Variants in CFAP47 observed in about 807,000 individuals in gnomAD.
CFAP47 encodes the protein cilia and flagella associated protein 47.
CFAP47 carries 29 observed loss-of-function variants against 148.1 expected under a neutral mutation model. The observed-to-expected ratio is 0.20, with a 90% CI of 0.15 to 0.27. The LOEUF is 0.27. Ranked by LOEUF, CFAP47 falls within the 10% of genes least tolerant of loss-of-function variation. The pLI is 1.00. For missense variants in CFAP47, 1,872 were observed against 1,697.5 expected (o/e 1.10, Z -1.81); for synonymous variants, 664 against 577.3 (o/e 1.15, Z -2.15).
intron 51 of CFAP47, among the ~76,000 whole-genome samples, chrX:36,295,558 T>C (rs782024800): frequency 3.6e-5 from 4 of 112,265 alleles, no homozygotes; most frequent in Non-Finnish European, 7.5e-5. Context: ...CTAAGAAAGT[T>C]GTTTCAAGAA....
intron 25 of CFAP47, among the ~76,000 whole-genome samples, chrX:36,045,305 G>A (rs1277540184): frequency 9.0e-6 from 1 of 111,680 alleles, no homozygotes; most frequent in Non-Finnish European, 1.9e-5. Context: ...TCAACTTGGT[G>A]TTCTACTCCG....
At chrX:36,050,732 A>G (rs1341295993) in intron 26 of CFAP47, among the ~76,000 whole-genome samples, 1 of 112,084 alleles carries the variant, frequency 8.9e-6, no homozygotes, top group African/African-American at 3.2e-5. Context: ...GTTGATCACC[A>G]AGACAATGGG....
At chrX:36,072,365 G>A (rs760415759) in intron 28 of CFAP47, among the ~76,000 whole-genome samples, 64 of 112,050 alleles carry the variant, frequency 5.7e-4, no homozygotes, top group Middle Eastern at 4.6e-3. Flanking sequence ...GACATCCCAA[G>A]CACTCTCTGT....
intron 7 of CFAP47, among the ~76,000 whole-genome samples, chrX:35,954,004 G>A (rs746816570): frequency 1.8e-5 from 2 of 110,625 alleles, no homozygotes; most frequent in East Asian, 2.9e-4. Context: ...AAAAAAACCC[G>A]GATTTGTTTT....
intron 30 of CFAP47, among the ~76,000 whole-genome samples, chrX:36,096,218 T>C (rs1255510200): frequency 1.8e-5 from 2 of 111,556 alleles, no homozygotes; most frequent in African/African-American, 6.5e-5. Context: ...CTTGATATAA[T>C]TGAATGTTTA....
chrX:36,086,401 A>G (rs1938088869), intron 30 of CFAP47, among the ~76,000 whole-genome samples: 1 of 111,468 alleles, frequency 9.0e-6, no homozygotes. Context: ...TTTATCACTT[A>G]TAATTGTTTA....
intron 33 of CFAP47, among the ~76,000 whole-genome samples, chrX:36,128,851 A>C (rs1476952005): frequency 9.0e-6 from 1 of 110,835 alleles, no homozygotes; most frequent in Non-Finnish European, 1.9e-5. Context: ...ATTTTTATTT[A>C]ACTTACCAGA....
rs202099932 is a variant in CFAP47 at position 36,365,069 on chromosome X, ATCT to A, written c.9024-1892_9024-1890del. 6.9e-3 allele frequency among the ~76,000 whole-genome samples: 741 copies of A among 107,729 alleles called. 3 individuals carry two copies. Among genetic ancestry groups the A allele is most frequent in the African/African-American group, 0.023 (701 of 30,113 alleles). 93.5% of individuals were successfully genotyped at this position (107,729 alleles called of 115,157 possible). On this transcript the variant is annotated intron_variant, in intron 61 of 63. Coordinates refer to ENST00000378653, the MANE Select transcript of CFAP47 (RefSeq NM_001304548.2). ...AAAACAGTGGCTCTAAATTGTGGAAATCTTCTTGTAAGATGGTAACAGCAGAAG... is the reference window on the plus strand; with the variant it reads ...AAAACAGTGGCTCTAAATTGTGGAAATCTTGTAAGATGGTAACAGCAGAAG...
chrX:35,973,607 C>T (rs1418205624), intron 13 of CFAP47, among the ~76,000 whole-genome samples: 1 of 111,719 alleles, frequency 9.0e-6, no homozygotes, highest in Non-Finnish European at 1.9e-5. Context: ...GCTTAGTTCT[C>T]TCTGGAATTG....
At chrX:36,284,179 G>A (rs782746240) in intron 50 of CFAP47, among the ~76,000 whole-genome samples, 20 of 111,461 alleles carry the variant, frequency 1.8e-4, no homozygotes, top group African/African-American at 4.9e-4. Flanking sequence ...TCTCTCATCA[G>A]TATAAATTTG....
chrX:36,104,225 T>C (rs968723988), intron 32 of CFAP47, among the ~76,000 whole-genome samples: 2 of 112,270 alleles, frequency 1.8e-5, no homozygotes, highest in Admixed American at 9.4e-5. Flanking sequence ...TGTTCTTAAA[T>C]GCAGTTATGT....
chrX:36,147,302 A>G, intron 36 of CFAP47, among the ~76,000 whole-genome samples: 1 of 109,803 alleles, frequency 9.1e-6, no homozygotes, highest in Non-Finnish European at 1.9e-5. Flanking sequence ...CTTCCTATCT[A>G]CTCCTCATCA....
At chrX:36,024,140 G>A (rs976991284) in intron 22 of CFAP47, among the ~76,000 whole-genome samples, 5 of 111,575 alleles carry the variant, frequency 4.5e-5, no homozygotes, top group African/African-American at 1.6e-4. Context: ...AGGACCCATA[G>A]GCTCTTAACA....
intron 56 of CFAP47, among the ~76,000 whole-genome samples, chrX:36,312,132 A>T (rs1556010130): frequency 1.8e-5 from 2 of 110,788 alleles, no homozygotes; most frequent in African/African-American, 3.3e-5. Context: ...TAAACGAGGT[A>T]AGGTTTAACT....
chrX:35,934,519 C>G (rs946623126), intron 2 of CFAP47, among the ~76,000 whole-genome samples: 4 of 110,366 alleles, frequency 3.6e-5, no homozygotes, highest in African/African-American at 1.3e-4. Context: ...GGCCTGGAAT[C>G]CGGGTCCCCA....
intron 51 of CFAP47, among the ~76,000 whole-genome samples, chrX:36,286,223 A>G (rs1022655020): frequency 2.7e-5 from 3 of 111,627 alleles, no homozygotes; most frequent in African/African-American, 9.7e-5. Context: ...ATAAAGTTAA[A>G]TATTAAGAGT....
chrX:36,014,749 G>A, intron 21 of CFAP47, 25 bp from the exon 22 acceptor site: 1 of 289,910 alleles, frequency 3.4e-6, no homozygotes, highest in East Asian at 4.9e-5. Flanking sequence ...AAATTAACAA[G>A]TATAATGTAT....
At chrX:36,063,094 A>G in intron 26 of CFAP47, among the ~76,000 whole-genome samples, 2 of 111,991 alleles carry the variant, frequency 1.8e-5, no homozygotes, top group Middle Eastern at 4.6e-3. Context: ...TAAATCACAT[A>G]TGCCTGAGGT....
intron 49 of CFAP47, among the ~76,000 whole-genome samples, chrX:36,260,212 G>C (rs1940801585): frequency 9.0e-6 from 1 of 111,230 alleles, no homozygotes; most frequent in Admixed American, 9.5e-5. Context: ...AAATTCTTTT[G>C]GTAGAACTAT....
Sources: gnomAD v4.1 joint callset for allele counts (sites outside exome capture counted in the v4.1 genomes callset) on GRCh38, gnomAD v4.1.1 for gene constraint, MANE v1.5 for transcripts, NCBI Gene and HGNC (gene_info 2026-07-23, HGNC 2026-07-21) for gene names.